The following AP3B2 variants were observed in gnomAD, a reference collection of about 807,000 sequenced individuals.
AP3B2 encodes the protein adaptor related protein complex 3 subunit beta 2.
AP3B2 carries 50 observed loss-of-function variants against 126.9 expected under a neutral mutation model. That is an observed-to-expected ratio of 0.39 (90% confidence interval 0.31 to 0.50). The LOEUF is 0.50. AP3B2 is among the 20% of genes least tolerant of loss of function. The pLI is 0.79. For missense variants in AP3B2, 1,177 were observed against 1,426.4 expected, an observed-to-expected ratio of 0.83 and a Z score of 2.82; for synonymous variants, 541 against 565.0, an observed-to-expected ratio of 0.96 and a Z score of 0.60.
chr15:82,663,856 A>G lies in AP3B2; in HGVS notation c.2381T>C (p.Met794Thr), dbSNP rs1483840882. Residue 794 changes from methionine (M) to threonine (T), a missense_variant, in exon 20 of 27, where the codon ATG becomes ACG. Physicochemically the swap from Met to Thr is moderately conservative, Grantham distance 81 (BLOSUM62 -1). Transcript: ENST00000535359. ...DSSSSSSESE[M>T]TSESEEEQLE... ...CTGCTCCTCCTCGGACTCCGATGTC[A>G]TCTCGGACTCTGATGAGCTACTGCT... 1.2e-6 allele frequency: 2 copies of G among 1,613,750 alleles called. No individual in the cohort carries two copies. Among genetic ancestry groups the G allele is most frequent in the African/African-American group, 2.7e-5 (2 of 74,912 alleles).
At chr15:82,689,705 TG>T in intron 1 of AP3B2, 1 of 510,136 alleles carries the variant, frequency 2.0e-6, no homozygotes, top group Non-Finnish European at 3.5e-6. Context: ...TACCTCAGAA[TG>T]TAACCTTATT....
rs557158949 is a variant in AP3B2 at position 82,691,679 on chromosome 15, C to T, written c.114-2226G>A. 7 of 1,396,118 alleles carry T rather than the reference C, an allele frequency of 5.0e-6. No homozygotes were observed. The East Asian group carries it at 1.5e-4, about 31-fold the overall frequency. The allele number at this position is 1,396,118 out of a possible 1,614,324, so 86.5% of individuals were successfully genotyped here. A position where few individuals can be genotyped will look rare whatever the true frequency, so the allele number is the denominator to read the frequency against. ...AATGCAGATTCTGAGCACAAAGCAG[C>T]TCAGTTAACCTAAAAAATAAAGAAA... On this transcript the variant is annotated intron_variant, in intron 1 of 26. Transcript: ENST00000535359.
At chr15:82,700,248 T>G (rs2048697256) in intron 1 of AP3B2, among the ~76,000 whole-genome samples, 1 of 151,768 alleles carries the variant, frequency 6.6e-6, no homozygotes, top group Non-Finnish European at 1.5e-5. Flanking sequence ...AATACTTGAT[T>G]TATTCCTTCC....
intron 21 of AP3B2, 118 bp from the exon 22 acceptor site, chr15:82,663,351 C>CT: frequency 9.8e-7 from 1 of 1,015,968 alleles, no homozygotes; most frequent in Non-Finnish European, 1.5e-6. Context: ...ACATGGCTGC[C>CT]TGGAGGCTCT....
chr15:82,688,103 C>CATAA (rs569802563), intron 4 of AP3B2: 130 of 234,284 alleles, frequency 5.5e-4, no homozygotes, highest in African/African-American at 2.1e-3. Flanking sequence ...GAACCTGTCT[C>CATAA]ATAAATAAAT....
At chr15:82,689,902 A>G (rs1802935025) in intron 1 of AP3B2, 1 of 161,548 alleles carries the variant, frequency 6.2e-6, no homozygotes, top group African/African-American at 2.4e-5. Flanking sequence ...CTGGAGTTCG[A>G]GACCAGCCTG....
chr15:82,677,477 C>G (rs552429701), intron 12 of AP3B2, 94 bp from the exon 13 acceptor site: 1 of 1,401,526 alleles, frequency 7.1e-7, no homozygotes, highest in South Asian at 1.3e-5. Context: ...GCCCTTGGCT[C>G]TTTCTCTCAA....
intron 1 of AP3B2, among the ~76,000 whole-genome samples, chr15:82,694,996 CTGAG>C (rs529279399): frequency 6.6e-6 from 1 of 152,104 alleles, no homozygotes; most frequent in Non-Finnish European, 1.5e-5. Context: ...TTATAACTTC[CTGAG>C]TGAGAGGAAC....
chr15:82,682,359 CCTT>C (rs1039774772), intron 4 of AP3B2, among the ~76,000 whole-genome samples: 16 of 151,954 alleles, frequency 1.1e-4, no homozygotes, highest in African/African-American at 3.1e-4. Context: ...GGCCCCAAGC[CCTT>C]CTTCTTTATT....
At chr15:82,670,266 C>T (rs1456186430) in intron 14 of AP3B2, among the ~76,000 whole-genome samples, 2 of 151,752 alleles carry the variant, frequency 1.3e-5, no homozygotes, top group Middle Eastern at 3.2e-3. Context: ...CCCGCCACCA[C>T]GCTCAGCTAA....
At chr15:82,661,421 C>G (rs1360303445) in intron 25 of AP3B2, among the ~76,000 whole-genome samples, 2 of 152,216 alleles carry the variant, frequency 1.3e-5, no homozygotes. Flanking sequence ...AGCCTCCAGA[C>G]CAAATCCAGC....
At chr15:82,678,920 G>A (rs780359391) in intron 10 of AP3B2, among the ~76,000 whole-genome samples, 1 of 152,200 alleles carries the variant, frequency 6.6e-6, no homozygotes, top group Non-Finnish European at 1.5e-5. Context: ...TGTTGCTGAA[G>A]GAAATCACTC....
chr15:82,674,585 T>C (rs551483585), intron 14 of AP3B2, among the ~76,000 whole-genome samples: 1 of 152,332 alleles, frequency 6.6e-6, no homozygotes, highest in Non-Finnish European at 1.5e-5. Context: ...ATTTTTGTCC[T>C]GTTTCTCCTA....
intron 1 of AP3B2, chr15:82,691,587 GTTTT>G (rs199804719): frequency 4.9e-6 from 3 of 616,376 alleles, no homozygotes; most frequent in Non-Finnish European, 7.0e-6. Context: ...AAAGTATGTA[GTTTT>G]TTTTTCTTCT....
intron 13 of AP3B2, 132 bp from the exon 14 acceptor site, chr15:82,676,769 T>G (rs1318007671): frequency 2.3e-5 from 20 of 879,058 alleles, no homozygotes; most frequent in Non-Finnish European, 3.1e-5. Flanking sequence ...GAAATGGGAG[T>G]TGGGGGTGGT....
chr15:82,708,032 G>C (rs972218886), intron 1 of AP3B2, among the ~76,000 whole-genome samples: 2 of 152,102 alleles, frequency 1.3e-5, no homozygotes, highest in Non-Finnish European at 2.9e-5. Context: ...GGAATGTCAG[G>C]CCTCTGAGCC....
At chr15:82,707,662 C>A (rs2048818247) in intron 1 of AP3B2, among the ~76,000 whole-genome samples, 1 of 152,032 alleles carries the variant, frequency 6.6e-6, no homozygotes, top group South Asian at 2.1e-4. Flanking sequence ...CCTCCTTGGG[C>A]ACTCTCTAAT....
intron 1 of AP3B2, chr15:82,692,508 A>G (rs981829331): frequency 1.4e-5 from 3 of 211,896 alleles, no homozygotes; most frequent in African/African-American, 7.1e-5. Flanking sequence ...AGAAACAGAG[A>G]GCCAGGAAAC....
Position 82,665,143 on chromosome 15 carries a change from AG to A in AP3B2, c.2028+103del. The A allele has an allele frequency of 7.5e-7, 1 of 1,339,542 alleles. No individual in the cohort carries two copies. The highest frequency in any genetic ancestry group is 1.0e-6 in the Non-Finnish European group (1 of 973,926). 83.0% of individuals were successfully genotyped at this position (1,339,542 alleles called of 1,614,324 possible). On this transcript the variant is annotated intron_variant, in intron 17 of 26. Transcript: ENST00000535359. This position sits in a 1 kb window ranked among gnomAD's most constrained non-coding sequence, Gnocchi z 4.4. ...CTCACAGAGGAGCACTGCCAAACCA[AG>A]GTGGAAACAGAGTATGGGAAGGCCC...
Sources: allele counts gnomAD v4.1 joint callset (sites outside exome capture counted in the v4.1 genomes callset), GRCh38; gene constraint gnomAD v4.1.1; non-coding constraint Gnocchi (gnomAD v3.1); transcripts MANE v1.5; gene names NCBI Gene and HGNC (gene_info 2026-07-23, HGNC 2026-07-21).